NRP2: variants seen among roughly 807,000 people sequenced by gnomAD.
NRP2 encodes neuropilin-2.
NRP2 carries 52 observed loss-of-function variants against 110.4 expected under a neutral mutation model. That is an observed-to-expected ratio of 0.47 (90% CI 0.38 to 0.59). The LOEUF (loss-of-function observed/expected upper bound fraction) is 0.59, where lower values mean the gene tolerates loss of function less well. NRP2 is among the 20% of genes least tolerant of loss of function. NRP2 has a pLI of 0.00. For missense variants in NRP2, 1,049 were observed against 1,203.0 expected, an observed-to-expected ratio of 0.87 and a Z score of 1.89; for synonymous variants, 508 against 468.9, an observed-to-expected ratio of 1.08 and a Z score of -1.08.
At chr2:205,779,624 T>G (rs906338131) in intron 15 of NRP2, 14 of 152,248 alleles carry the variant, frequency 9.2e-5, no homozygotes, top group Non-Finnish European at 8.8e-5. Flanking sequence ...ATTGCTCAGT[T>G]GCCTGTGTGT....
chr2:205,683,396 A>G, intron 1 of NRP2, 33 bp downstream of exon 1: 1 of 1,520,424 alleles, frequency 6.6e-7, no homozygotes, highest in Non-Finnish European at 9.1e-7. Context: ...ATTTATTGCA[A>G]CATGGTTTCC....
At chr2:205,728,944 G>A (rs1324700608) in intron 7 of NRP2, among the ~76,000 whole-genome samples, 1 of 152,198 alleles carries the variant, frequency 6.6e-6, no homozygotes, top group Non-Finnish European at 1.5e-5. Flanking sequence ...TCCCTAAAAA[G>A]GAGGTAGGGA....
chr2:205,701,494 G>T (rs2056556651), intron 2 of NRP2: 1 of 149,336 alleles, frequency 6.7e-6, no homozygotes, highest in South Asian at 2.1e-4. Flanking sequence ...AGCTGAGATT[G>T]TGCCACTGCA....
intron 15 of NRP2, chr2:205,776,873 A>G (rs901285915): frequency 1.2e-4 from 148 of 1,213,688 alleles, no homozygotes; most frequent in Non-Finnish European, 1.4e-4. Context: ...GCCTTATCCC[A>G]TACCTCCTCT....
In NRP2 at chr2:205,752,463, G is replaced by A. The variant is rs186358867; in HGVS notation, c.1904-372G>A. 1.8e-4 allele frequency: 59 copies of A among 319,332 alleles called. 1 individual carries two copies. Among genetic ancestry groups the A allele is most frequent in the Middle Eastern group, 1.1e-3 (1 of 912 alleles). 19.8% of individuals were successfully genotyped at this position (319,332 alleles called of 1,614,324 possible). A position where few individuals can be genotyped will look rare whatever the true frequency, so the allele number is the denominator to read the frequency against. On this transcript the variant is annotated intron_variant, in intron 11 of 16. Transcript: ENST00000357785. ...AGATGAGATAATACTTTTTTTGGGA[G>A]CCAGCCTTCCACCAGGGCACTGGGG...
rs766492892 is a variant in NRP2, at chr2:205,763,863, T to C, written c.2234T>C (p.Val745Ala). The change falls in exon 13 of 17, where the codon GTC (valine) becomes GCC (alanine). Residue 745 changes from valine to alanine, a missense_variant. Physicochemically the swap from Val to Ala is moderately conservative, Grantham distance 64. Coordinates refer to ENST00000357785, the MANE Select transcript of NRP2 (RefSeq NM_003872.3). The surrounding 1 kb of genome is among the most constrained non-coding windows in gnomAD (Gnocchi z 4.0). ...AGCCAGGAGAGCAAGTTGCTGTGGG[T>C]CATCCGTGAGGACCAGGGCGGCGAG... is the stretch of plus-strand genomic sequence containing the variant. ...EASQESKLLWVIREDQGGEWK... is the reference protein window; with the variant it reads ...EASQESKLLWAIREDQGGEWK... The C allele has an allele frequency of 2.5e-6, 4 of 1,613,990 alleles. No homozygotes were observed. The highest frequency in any genetic ancestry group is 2.7e-5 in the African/African-American group (2 of 74,898).
rs574100849 is a variant in NRP2, at chr2:205,747,019, G to C, written c.1786+1129G>C. Reference sequence around the variant, plus strand: ...CAAAGTTCCCTGCAGCCTGCTAAACGTGTGTCACCCGTCCTCTCACAGGTG... The same window carrying C: ...CAAAGTTCCCTGCAGCCTGCTAAACCTGTGTCACCCGTCCTCTCACAGGTG... On this transcript the variant is annotated intron_variant, in intron 10 of 16. Transcript: ENST00000357785. Among the ~76,000 whole-genome samples the C allele has an allele frequency of 7.4e-4, 112 of 152,226 alleles. 1 individual carries two copies. Among genetic ancestry groups the C allele is most frequent in the African/African-American group, 2.5e-3 (105 of 41,524 alleles).
rs1470850121 is a variant in NRP2, at chr2:205,686,399, C to T, written c.73+3036C>T. Among the ~76,000 whole-genome samples the T allele has an allele frequency of 6.6e-6, 1 of 152,132 alleles. No individual in the cohort carries two copies. Among genetic ancestry groups the T allele is most frequent in the African/African-American group, 2.4e-5 (1 of 41,436 alleles). ...CCAGCCGCCTCGCTCTTTGCTTTTC[C>T]ACGTGAGAAAAAGAAATGTTCACGG... On this transcript the variant is annotated intron_variant, in intron 1 of 16. Coordinates refer to ENST00000357785, the MANE Select transcript of NRP2 (RefSeq NM_003872.3). This position sits in a 1 kb window ranked among gnomAD's most constrained non-coding sequence, Gnocchi z 4.7.
intron 15 of NRP2, chr2:205,776,960 G>A (rs1029727369): frequency 2.7e-6 from 3 of 1,117,364 alleles, no homozygotes; most frequent in Non-Finnish European, 3.3e-6. Flanking sequence ...GTGTGTGTGT[G>A]AATAGCTCTC....
At chr2:205,702,333 T>C (rs1047435211) in intron 2 of NRP2, among the ~76,000 whole-genome samples, 4 of 152,240 alleles carry the variant, frequency 2.6e-5, no homozygotes, top group Non-Finnish European at 4.4e-5. Flanking sequence ...CTCAAGCCAG[T>C]GCAATCCCAA....
chr2:205,730,950 C>T (rs986701154), intron 7 of NRP2, among the ~76,000 whole-genome samples: 5 of 152,326 alleles, frequency 3.3e-5, no homozygotes, highest in African/African-American at 1.2e-4. Context: ...TGGTCTCTTC[C>T]CATCCAACAG....
intron 12 of NRP2, among the ~76,000 whole-genome samples, chr2:205,755,322 T>A (rs538173342): frequency 6.6e-6 from 1 of 152,336 alleles, no homozygotes; most frequent in South Asian, 2.1e-4. Flanking sequence ...CATAAGGAAC[T>A]GCTAAATCTA....
chr2:205,781,900 C>A (rs2105958863), intron 15 of NRP2, among the ~76,000 whole-genome samples: 1 of 152,166 alleles, frequency 6.6e-6, no homozygotes, highest in South Asian at 2.1e-4. Flanking sequence ...TCAGGTGCAC[C>A]ACAGTATGTA....
At position 205,752,836 on chromosome 2, in the gene NRP2, C is replaced by A. The variant is rs148084722; in HGVS notation, c.1905C>A (p.Asp635Glu). ...TGGGTTATTGTTTTCCCCTTTTAGACAAAGATTTGCAGCTCCCTTCGGGAT... is the reference window on the plus strand; with the variant it reads ...TGGGTTATTGTTTTCCCCTTTTAGAAAAAGATTTGCAGCTCCCTTCGGGAT... The part of the protein sequence containing the change: ...ECGENCSFED[D>E]KDLQLPSGFN... Residue 635 changes from aspartate (D) to glutamate (E), a missense_variant and splice_region_variant, in exon 12 of 17, where the codon GAC (aspartate) becomes GAA (glutamate). By Grantham distance (45) the Asp-to-Glu change is conservative. Transcript: ENST00000357785. 4 of 1,614,142 alleles carry A rather than the reference C, an allele frequency of 2.5e-6. No homozygotes were observed. Among genetic ancestry groups the A allele is most frequent in the Middle Eastern group, 1.6e-4 (1 of 6,062 alleles).
At chr2:205,736,134 G>T (rs2057337437) in intron 7 of NRP2, among the ~76,000 whole-genome samples, 1 of 152,134 alleles carries the variant, frequency 6.6e-6, no homozygotes, top group Non-Finnish European at 1.5e-5. Context: ...TTGAGGTCAG[G>T]AGTTCAAGAC....
chr2:205,727,748 A>G, intron 6 of NRP2, 143 bp from the exon 7 acceptor site: 1 of 768,036 alleles, frequency 1.3e-6, no homozygotes. Context: ...GGAATTGCAA[A>G]CTGATACTAA....
rs542038963 is a variant in NRP2 at position 205,725,889 on chromosome 2, C to T, written c.821-24C>T. 27 of 1,613,454 alleles carry T rather than the reference C, an allele frequency of 1.7e-5. No individual in the cohort carries two copies. In the East Asian group the frequency reaches 5.3e-4, roughly 32 times the overall value. ...GGTATGAGGTTGGAAGGCCTAACTG[C>T]ATTTGACCGTCTGCTTTCCCCAGAC... On this transcript the variant is annotated intron_variant, in intron 5 of 16. Transcript: ENST00000357785. The surrounding 1 kb of genome is among the most constrained non-coding windows in gnomAD (Gnocchi z 4.1).
At chr2:205,747,967 T>A (rs1045789596) in intron 10 of NRP2, among the ~76,000 whole-genome samples, 1 of 152,160 alleles carries the variant, frequency 6.6e-6, no homozygotes, top group African/African-American at 2.4e-5. Context: ...TTGAAGTCTC[T>A]GACATCTGGT....
In NRP2 at chr2:205,743,198, T is replaced by C. The variant is rs771203400; in HGVS notation, c.1292-5T>C. Reference sequence around the variant, plus strand: ...ACCTCTTGTATCTTCCTCTCCTCTCTGCAGATGCTCCCTGCTCCAACATGC... The same window carrying C: ...ACCTCTTGTATCTTCCTCTCCTCTCCGCAGATGCTCCCTGCTCCAACATGC... On this transcript the variant is annotated splice_region_variant and splice_polypyrimidine_tract_variant and intron_variant, in intron 8 of 16. Transcript: ENST00000357785. The C allele has an allele frequency of 6.2e-7, 1 of 1,610,670 alleles. No homozygotes were observed. Among genetic ancestry groups the C allele is most frequent in the Non-Finnish European group, 8.5e-7 (1 of 1,179,988 alleles).
Sources: allele counts gnomAD v4.1 joint callset (sites outside exome capture counted in the v4.1 genomes callset), GRCh38; gene constraint gnomAD v4.1.1; non-coding constraint Gnocchi (gnomAD v3.1); transcripts MANE v1.5; gene names NCBI Gene and HGNC (gene_info 2026-07-23, HGNC 2026-07-21).